The following SLC4A4 variants were observed in gnomAD, a reference collection of about 807,000 sequenced individuals.
SLC4A4 encodes electrogenic sodium bicarbonate cotransporter 1.
Under a neutral mutation model 111.5 loss-of-function variants are expected in SLC4A4, and 27 were observed. That is an observed-to-expected ratio of 0.24 (90% CI 0.18 to 0.33). The LOEUF is 0.33. Ranked by LOEUF, SLC4A4 falls within the 10% of genes least tolerant of loss-of-function variation. The probability of loss-of-function intolerance (pLI) is 1.00; values close to 1 mark genes in which losing one functional copy is unlikely to be tolerated. For missense variants in SLC4A4, 909 were observed against 1,315.5 expected (o/e 0.69, Z 4.78); for synonymous variants, 443 against 463.4 (o/e 0.96, Z 0.57).
At position 71,282,777 on chromosome 4, in the gene SLC4A4, A is replaced by G. The variant is rs557047117; in HGVS notation, c.253+27378A>G. ...TTTTTTTTTGAGACAGTGTCTCACTATGTTGCCCAGGCTGGTCTCAAACTT... is the reference window on the plus strand; with the variant it reads ...TTTTTTTTTGAGACAGTGTCTCACTGTGTTGCCCAGGCTGGTCTCAAACTT... On this transcript the variant is annotated intron_variant, in intron 3 of 25. Transcript: ENST00000264485. Among the ~76,000 whole-genome samples, 11 of 148,100 alleles carry G rather than the reference A, an allele frequency of 7.4e-5. No individual in the cohort carries two copies. The East Asian group carries it at 1.4e-3, about 19-fold the overall frequency.
intron 1 of SLC4A4, among the ~76,000 whole-genome samples, chr4:71,070,828 G>C (rs1220531777): frequency 1.3e-5 from 2 of 152,204 alleles, no homozygotes; most frequent in African/African-American, 4.8e-5. Flanking sequence ...GTGCTAAGTG[G>C]AGTGGGAGGC....
chr4:71,350,024 G>T lies in SLC4A4; in HGVS notation c.502G>T (p.Gly168Ter). The T allele has an allele frequency of 6.2e-7, 1 of 1,614,106 alleles. No homozygotes were observed. The highest frequency in any genetic ancestry group is 8.5e-7 in the Non-Finnish European group (1 of 1,180,004). The change falls in exon 5 of 26, where the codon GGA becomes TGA. Residue 168 changes from glycine to a stop codon, truncating the protein, a stop_gained. Coordinates refer to ENST00000264485, the MANE Select transcript of SLC4A4 (RefSeq NM_001098484.3). LOFTEE classifies it high-confidence loss of function. ...LFELRTCMEK[G>*]SIMLDREASS... Reference sequence around the variant, plus strand: ...TGAGCTGAGGACATGTATGGAGAAAGGATCCATCATGCTTGATCGGGAGGC... The same window carrying T: ...TGAGCTGAGGACATGTATGGAGAAATGATCCATCATGCTTGATCGGGAGGC...
intron 2 of SLC4A4, among the ~76,000 whole-genome samples, chr4:71,180,317 A>C (rs543638720): frequency 6.6e-6 from 1 of 152,368 alleles, no homozygotes; most frequent in South Asian, 2.1e-4. Flanking sequence ...TAAAACACCA[A>C]AAGCAATGGC....
intron 6 of SLC4A4, among the ~76,000 whole-genome samples, chr4:71,370,878 A>T (rs933272872): frequency 6.6e-6 from 1 of 152,206 alleles, no homozygotes; most frequent in African/African-American, 2.4e-5. Context: ...CTATTTGGAA[A>T]TCAACTTGAG....
At chr4:71,221,934 C>G (rs1057230429) in intron 1 of SLC4A4, among the ~76,000 whole-genome samples, 2 of 152,062 alleles carry the variant, frequency 1.3e-5, no homozygotes, top group Non-Finnish European at 2.9e-5. Flanking sequence ...TCCAGCAGAC[C>G]CCACCTGTAA....
Position 71,567,049 on chromosome 4 carries a change from A to G in SLC4A4, c.*2A>G, listed in dbSNP as rs767564736. On this transcript the variant is annotated 3_prime_UTR_variant, in exon 25 of 26. Transcript: ENST00000264485. ...CTTGAACGCCACACATCATGCTGAT[A>G]AAATTCCTTTCCTTCAGTCACTCGG... The G allele has an allele frequency of 6.2e-7, 1 of 1,610,200 alleles. No homozygotes were observed. The highest frequency in any genetic ancestry group is 8.5e-7 in the Non-Finnish European group (1 of 1,177,586).
rs146277593 is a variant in SLC4A4, at chr4:71,500,107, A to G, written c.2166+2415A>G. 2.7e-3 allele frequency among the ~76,000 whole-genome samples: 405 copies of G among 152,278 alleles called. 1 individual carries two copies. Among genetic ancestry groups the G allele is most frequent in the African/African-American group, 9.2e-3 (381 of 41,568 alleles). On this transcript the variant is annotated intron_variant, in intron 16 of 25. Coordinates refer to ENST00000264485, the MANE Select transcript of SLC4A4 (RefSeq NM_001098484.3). ...CCAACACTTATCTTTTGTCTTTTTGATAATAACCATCCCAACAGGTGTGAG... is the reference window on the plus strand; with the variant it reads ...CCAACACTTATCTTTTGTCTTTTTGGTAATAACCATCCCAACAGGTGTGAG...
At chr4:71,079,137 T>C (rs916860037) in intron 1 of SLC4A4, among the ~76,000 whole-genome samples, 5 of 152,126 alleles carry the variant, frequency 3.3e-5, no homozygotes, top group African/African-American at 9.7e-5. Context: ...CAGTTTAACA[T>C]TGAGGTCATG....
chr4:71,395,504 A>C (rs926594256), intron 6 of SLC4A4, among the ~76,000 whole-genome samples: 2 of 152,176 alleles, frequency 1.3e-5, no homozygotes, highest in Non-Finnish European at 2.9e-5. Flanking sequence ...ATATAGTATA[A>C]ATATAGATAG....
intron 6 of SLC4A4, among the ~76,000 whole-genome samples, chr4:71,374,488 T>G (rs1053530350): frequency 2.0e-4 from 31 of 152,120 alleles, no homozygotes; most frequent in Non-Finnish European, 4.1e-4. Flanking sequence ...CAAGAATGAG[T>G]TACAACATTC....
At chr4:71,372,761 A>T (rs1309221333) in intron 6 of SLC4A4, among the ~76,000 whole-genome samples, 1 of 151,898 alleles carries the variant, frequency 6.6e-6, no homozygotes, top group Non-Finnish European at 1.5e-5. Flanking sequence ...GGTCCAGTTC[A>T]GTGTTTTGCT....
intron 3 of SLC4A4, among the ~76,000 whole-genome samples, chr4:71,331,757 A>G (rs910814776): frequency 1.3e-5 from 2 of 150,618 alleles, no homozygotes; most frequent in Non-Finnish European, 3.0e-5. Flanking sequence ...AATGGTTTGG[A>G]TAGGATTGGC....
intron 3 of SLC4A4, among the ~76,000 whole-genome samples, chr4:71,305,927 A>T (rs1292113994): frequency 1.3e-5 from 2 of 152,250 alleles, no homozygotes; most frequent in Non-Finnish European, 2.9e-5. Context: ...TGAAGAAGCA[A>T]TGAAGATGAG....
chr4:71,532,218 T>G, intron 17 of SLC4A4, 43 bp downstream of exon 17: 1 of 1,080,996 alleles, frequency 9.3e-7, no homozygotes, highest in Non-Finnish European at 1.4e-6. Context: ...GAACTCTTTT[T>G]CTTTCTTTCC....
intron 1 of SLC4A4, among the ~76,000 whole-genome samples, chr4:71,207,981 T>C (rs1717883099): frequency 6.6e-6 from 1 of 152,134 alleles, no homozygotes. Flanking sequence ...CCCAGCTAAT[T>C]TTAGTTTTTA....
intron 24 of SLC4A4, among the ~76,000 whole-genome samples, chr4:71,565,170 G>T (rs1737351993): frequency 1.3e-5 from 2 of 151,868 alleles, no homozygotes; most frequent in African/African-American, 4.8e-5. Context: ...TAAATGGAGA[G>T]GATGAAGTAA....
rs543312023 is a variant in SLC4A4 at position 71,281,311 on chromosome 4, T to C, written c.253+25912T>C. ...GAGTCCAACTTTGTATTTAATACAA[T>C]GCTGAACAATGATTAGGCAACAAGA... is the stretch of plus-strand genomic sequence containing the variant. On this transcript the variant is annotated intron_variant, in intron 3 of 25. Coordinates refer to ENST00000264485, the MANE Select transcript of SLC4A4 (RefSeq NM_001098484.3). Among the ~76,000 whole-genome samples, 12 of 152,318 alleles carry C rather than the reference T, an allele frequency of 7.9e-5. No individual in the cohort carries two copies. In the South Asian group the frequency reaches 2.5e-3, roughly 32 times the overall value.
intron 6 of SLC4A4, among the ~76,000 whole-genome samples, chr4:71,379,813 T>A (rs1446049563): frequency 1.3e-5 from 2 of 152,148 alleles, no homozygotes; most frequent in Non-Finnish European, 2.9e-5. Flanking sequence ...ATTTCTTTAT[T>A]TGTATGAATT....
intron 7 of SLC4A4, among the ~76,000 whole-genome samples, chr4:71,439,435 CAAAAAAAAAAAAAAAAAA>C (rs56283596): frequency 5.9e-4 from 20 of 34,182 alleles, no homozygotes; most frequent in Admixed American, 3.1e-3. Context: ...GACTCTGTCT[CAAAAAAAAAAAAAAAAAA>C]AAAAAAAAAA....
Sources: allele counts gnomAD v4.1 joint callset (sites outside exome capture counted in the v4.1 genomes callset), GRCh38; gene constraint gnomAD v4.1.1; transcripts MANE v1.5; gene names NCBI Gene and HGNC (gene_info 2026-07-23, HGNC 2026-07-21).